The following AGAP1 variants were observed in gnomAD, a reference collection of about 807,000 sequenced individuals.
AGAP1 encodes the protein arf-GAP with GTPase, ANK repeat and PH domain-containing protein 1.
Under a neutral mutation model 105.3 loss-of-function variants are expected in AGAP1, and 29 were observed. That is an observed-to-expected ratio of 0.28 (90% CI 0.21 to 0.38). AGAP1 has a LOEUF of 0.38. AGAP1 is among the 10% of genes least tolerant of loss of function. The probability of loss-of-function intolerance (pLI) is 1.00; values close to 1 mark genes in which losing one functional copy is unlikely to be tolerated. For missense variants in AGAP1, 998 were observed against 1,165.1 expected (o/e 0.86, Z 2.09); for synonymous variants, 509 against 485.9 (o/e 1.05, Z -0.63).
rs1403875414 is a variant in AGAP1, at chr2:235,777,780, G to A, written c.674-19979G>A. ...AGTGTTTGAGACGTTAACGAATGATGGCTGTGATGTAATTGACTCAGTTGA... is the reference window on the plus strand; with the variant it reads ...AGTGTTTGAGACGTTAACGAATGATAGCTGTGATGTAATTGACTCAGTTGA... On this transcript the variant is annotated intron_variant, in intron 6 of 17. Coordinates refer to ENST00000304032, the MANE Select transcript of AGAP1 (RefSeq NM_001037131.3). This position sits in a 1 kb window ranked among gnomAD's most constrained non-coding sequence, Gnocchi z 5.1. Among the ~76,000 whole-genome samples the A allele has an allele frequency of 1.3e-5, 2 of 152,216 alleles. No individual in the cohort carries two copies. The highest frequency in any genetic ancestry group is 2.9e-5 in the Non-Finnish European group (2 of 68,040).
chr2:235,536,701 G>A (rs377696539), intron 1 of AGAP1, among the ~76,000 whole-genome samples: 9 of 146,722 alleles, frequency 6.1e-5, no homozygotes, highest in East Asian at 2.0e-4. Context: ...TCCTCCACCC[G>A]TCCCTGAAAA....
In AGAP1 at chr2:235,799,254, A is replaced by G. The variant is rs1335171483; in HGVS notation, c.802-113A>G. On this transcript the variant is annotated intron_variant, in intron 7 of 17. Coordinates refer to ENST00000304032, the MANE Select transcript of AGAP1 (RefSeq NM_001037131.3). The surrounding 1 kb of genome is among the most constrained non-coding windows in gnomAD (Gnocchi z 5.0). ...CCATAGACGCAAGTCAGCCATTCCC[A>G]TGCATCCCTTCCATGGGGCTCATGC... 8.8e-6 allele frequency: 11 copies of G among 1,254,010 alleles called. No individual in the cohort carries two copies. Among genetic ancestry groups the G allele is most frequent in the Non-Finnish European group, 1.0e-5 (9 of 889,028 alleles). 77.7% of individuals were successfully genotyped at this position (1,254,010 alleles called of 1,614,324 possible).
At position 235,900,797 on chromosome 2, in the gene AGAP1, G is replaced by T. The variant is rs966283008; in HGVS notation, c.1156-7941G>T. On this transcript the variant is annotated intron_variant, in intron 10 of 17. Coordinates refer to ENST00000304032, the MANE Select transcript of AGAP1 (RefSeq NM_001037131.3). The surrounding 1 kb of genome is among the most constrained non-coding windows in gnomAD (Gnocchi z 5.5). ...TGCATGCTACACATCTGATTGGCCA[G>T]GTGCCTTCCTCCTGCCATGGCTGCT... Among the ~76,000 whole-genome samples the T allele has an allele frequency of 2.0e-5, 3 of 152,222 alleles. No homozygotes were observed. The highest frequency in any genetic ancestry group is 7.2e-5 in the African/African-American group (3 of 41,464).
At chr2:235,941,160 GA>G (rs2053240620) in intron 12 of AGAP1, among the ~76,000 whole-genome samples, 2 of 152,334 alleles carry the variant, frequency 1.3e-5, no homozygotes, top group Middle Eastern at 3.4e-3. Flanking sequence ...GTTTATGGCA[GA>G]AAACACTGGC....
intron 6 of AGAP1, among the ~76,000 whole-genome samples, chr2:235,785,029 C>A (rs755907766): frequency 6.6e-6 from 1 of 152,208 alleles, no homozygotes. Context: ...GTCACTTCTT[C>A]CCGTGCACAG....
intron 9 of AGAP1, among the ~76,000 whole-genome samples, chr2:235,839,388 G>A (rs1216254977): frequency 3.3e-5 from 5 of 152,262 alleles, no homozygotes; most frequent in Admixed American, 2.0e-4. Context: ...GGTGGGGCCC[G>A]GGCATCTATT....
Position 235,841,233 on chromosome 2 carries a change from G to A in AGAP1, c.1050+33902G>A, listed in dbSNP as rs13396196. 3.9e-3 allele frequency among the ~76,000 whole-genome samples: 599 copies of A among 152,190 alleles called. 4 individuals are homozygous for A. Among genetic ancestry groups the A allele is most frequent in the African/African-American group, 0.014 (573 of 41,504 alleles). On this transcript the variant is annotated intron_variant, in intron 9 of 17. Transcript: ENST00000304032. The stretch of plus-strand genomic sequence containing the variant: ...GAACAGGTCTAGAAGTTATCGATTC[G>A]CTTGGAATAATAAATGATACAGTGG...
At chr2:235,925,764 G>A (rs1213375502) in intron 11 of AGAP1, among the ~76,000 whole-genome samples, 3 of 152,130 alleles carry the variant, frequency 2.0e-5, no homozygotes, top group African/African-American at 7.2e-5. Flanking sequence ...CCTCCACCTC[G>A]GCAGGACTGC....
At chr2:235,518,701 C>A (rs1172651653) in intron 1 of AGAP1, among the ~76,000 whole-genome samples, 1 of 152,038 alleles carries the variant, frequency 6.6e-6, no homozygotes, top group Non-Finnish European at 1.5e-5. Context: ...CACCTGCACA[C>A]AAACAAAAAA....
At position 235,701,147 on chromosome 2, in the gene AGAP1, CTATT is replaced by C. The variant is rs1029581027; in HGVS notation, c.164-8029_164-8026del. On this transcript the variant is annotated intron_variant, in intron 1 of 17. Coordinates refer to ENST00000304032, the MANE Select transcript of AGAP1 (RefSeq NM_001037131.3). The surrounding 1 kb of genome is among the most constrained non-coding windows in gnomAD (Gnocchi z 4.1). ...ATATATTATGTATATATGATATGCTCTATTTAGTGTATATTTTATATATTTATAT... is the reference window on the plus strand; with the variant it reads ...ATATATTATGTATATATGATATGCTCTAGTGTATATTTTATATATTTATAT... Among the ~76,000 whole-genome samples the C allele has an allele frequency of 2.0e-5, 3 of 148,270 alleles. No individual in the cohort carries two copies. The highest frequency in any genetic ancestry group is 7.4e-5 in the African/African-American group (3 of 40,544).
At chr2:235,576,850 G>C (rs1486062776) in intron 1 of AGAP1, among the ~76,000 whole-genome samples, 1 of 152,136 alleles carries the variant, frequency 6.6e-6, no homozygotes, top group Non-Finnish European at 1.5e-5. Flanking sequence ...AGAAAGGTGG[G>C]GCCATCTGGA....
At chr2:236,079,106 CAGAG>C (rs1007240480) in intron 16 of AGAP1, among the ~76,000 whole-genome samples, 2 of 152,186 alleles carry the variant, frequency 1.3e-5, no homozygotes, top group African/African-American at 2.4e-5. Context: ...GGCATCTAGA[CAGAG>C]AGTTCCACAG....
chr2:235,891,919 T>C lies in AGAP1; in HGVS notation c.1155+8470T>C, dbSNP rs2050566219. 6.6e-6 allele frequency among the ~76,000 whole-genome samples: 1 copy of C among 152,148 alleles called. No individual in the cohort carries two copies. Among genetic ancestry groups the C allele is most frequent in the Non-Finnish European group, 1.5e-5 (1 of 68,022 alleles). ...CTGTAATCCCAGCACTTTGGGAGGCTGAGGTGGATGGATCACCTGAGGTCA... is the reference window on the plus strand; with the variant it reads ...CTGTAATCCCAGCACTTTGGGAGGCCGAGGTGGATGGATCACCTGAGGTCA... On this transcript the variant is annotated intron_variant, in intron 10 of 17. Transcript: ENST00000304032. This position sits in a 1 kb window ranked among gnomAD's most constrained non-coding sequence, Gnocchi z 4.2.
intron 1 of AGAP1, among the ~76,000 whole-genome samples, chr2:235,539,742 G>A (rs1432123721): frequency 2.0e-5 from 3 of 152,136 alleles, no homozygotes; most frequent in South Asian, 2.1e-4. Context: ...GAGACGCTTC[G>A]GTAAGGGGTT....
intron 11 of AGAP1, among the ~76,000 whole-genome samples, chr2:235,925,716 A>G (rs924413876): frequency 6.6e-6 from 1 of 152,184 alleles, no homozygotes; most frequent in Non-Finnish European, 1.5e-5. Context: ...ACGTGGGTTT[A>G]GGTCCCCTGC....
intron 1 of AGAP1, among the ~76,000 whole-genome samples, chr2:235,509,262 T>C (rs997322451): frequency 3.3e-5 from 5 of 152,218 alleles, no homozygotes; most frequent in African/African-American, 1.2e-4. Flanking sequence ...AGTCTGGCTC[T>C]GTCACCCAGG....
chr2:235,909,502 A>G (rs1373766034), intron 11 of AGAP1, among the ~76,000 whole-genome samples: 1 of 152,124 alleles, frequency 6.6e-6, no homozygotes, highest in Non-Finnish European at 1.5e-5. Context: ...GCCATCCAAA[A>G]TGACATTGTT....
In AGAP1 at chr2:235,719,176, G is replaced by T. The variant is rs1351014369; in HGVS notation, c.310+1532G>T. Among the ~76,000 whole-genome samples, 2 of 152,144 alleles carry T rather than the reference G, an allele frequency of 1.3e-5. No individual in the cohort carries two copies. Among genetic ancestry groups the T allele is most frequent in the African/African-American group, 2.4e-5 (1 of 41,414 alleles). The stretch of plus-strand genomic sequence containing the variant: ...GGACCACAGGAAGTTACATGAGTCG[G>T]GCCTGGTTTTGTTGCTGTTGCTCTG... On this transcript the variant is annotated intron_variant, in intron 3 of 17. Transcript: ENST00000304032. The surrounding 1 kb of genome is among the most constrained non-coding windows in gnomAD (Gnocchi z 4.9).
At chr2:235,731,317 C>A (rs1488302608) in intron 3 of AGAP1, among the ~76,000 whole-genome samples, 1 of 152,202 alleles carries the variant, frequency 6.6e-6, no homozygotes, top group Non-Finnish European at 1.5e-5. Context: ...TACCTGGAAG[C>A]TCTGGTCTGA....
Sources: allele counts gnomAD v4.1 joint callset (sites outside exome capture counted in the v4.1 genomes callset), GRCh38; gene constraint gnomAD v4.1.1; non-coding constraint Gnocchi (gnomAD v3.1); transcripts MANE v1.5; gene names NCBI Gene and HGNC (gene_info 2026-07-23, HGNC 2026-07-21).